ANKRD13B: variants seen among roughly 807,000 people sequenced by gnomAD.
The protein encoded by ANKRD13B is ankyrin repeat domain-containing protein 13B.
A neutral mutation model predicts 74.4 loss-of-function variants in ANKRD13B; 33 were observed. The observed-to-expected ratio is 0.44, with a 90% CI of 0.34 to 0.59. The LOEUF is 0.59. ANKRD13B is among the 20% of genes least tolerant of loss of function. The probability of loss-of-function intolerance (pLI) is 0.02; values close to 1 mark genes in which losing one functional copy is unlikely to be tolerated. For missense variants in ANKRD13B, 676 were observed against 877.9 expected, an observed-to-expected ratio of 0.77 and a Z score of 2.91; for synonymous variants, 341 against 362.9, an observed-to-expected ratio of 0.94 and a Z score of 0.68.
chr17:29,596,892 C>A (rs1437568596), intron 1 of ANKRD13B, among the ~76,000 whole-genome samples: 1 of 152,084 alleles, frequency 6.6e-6, no homozygotes, highest in Non-Finnish European at 1.5e-5. Context: ...GGAGGGGCTG[C>A]AAGGGCAGGA....
chr17:29,593,652 G>T lies in ANKRD13B; in HGVS notation c.31G>T (p.Gly11Trp). The stretch of plus-strand genomic sequence containing the variant: ...CCCCGCCAACGCCTCCGCCAGGAAG[G>T]GGCCCGAGGGCAAGTATCCGCTGCA... MIPANASARK[G>W]PEGKYPLHYL... The change falls in exon 1 of 15, where the codon GGG becomes TGG. Residue 11 changes from glycine (G) to tryptophan (W), a missense_variant. Gly to Trp is a radical substitution (Grantham distance 184, BLOSUM62 -2). This residue lies in a region of ANKRD13B where 88 missense variants were observed against 87.8 expected (regional missense o/e 1.00). Transcript: ENST00000394859. 7.1e-7 allele frequency: 1 copy of T among 1,416,208 alleles called. No individual in the cohort carries two copies. Among genetic ancestry groups the T allele is most frequent in the Non-Finnish European group, 9.3e-7 (1 of 1,072,646 alleles). The allele number at this position is 1,416,208 out of a possible 1,614,324, so 87.7% of individuals were successfully genotyped here. A position where few individuals can be genotyped will look rare whatever the true frequency, so the allele number is the denominator to read the frequency against.
At chr17:29,598,841 C>T (rs939153257) in intron 1 of ANKRD13B, among the ~76,000 whole-genome samples, 45 of 152,160 alleles carry the variant, frequency 3.0e-4, no homozygotes, top group Admixed American at 2.8e-3. Context: ...GTGAGCCCCC[C>T]GGCATAAACA....
At chr17:29,595,996 A>G (rs534836343) in intron 1 of ANKRD13B, among the ~76,000 whole-genome samples, 2 of 152,234 alleles carry the variant, frequency 1.3e-5, no homozygotes, top group East Asian at 3.9e-4. Flanking sequence ...TCATGAGAAA[A>G]GCACTGTGGA....
At chr17:29,602,346 G>C (rs2034211264) in intron 1 of ANKRD13B, among the ~76,000 whole-genome samples, 1 of 145,354 alleles carries the variant, frequency 6.9e-6, no homozygotes, top group African/African-American at 2.6e-5. Context: ...AGTGAGCTGA[G>C]ATCACGCCAC....
intron 1 of ANKRD13B, among the ~76,000 whole-genome samples, chr17:29,604,599 T>G (rs1408213141): frequency 6.6e-6 from 1 of 151,874 alleles, no homozygotes; most frequent in Non-Finnish European, 1.5e-5. Flanking sequence ...CAGAGTGTAG[T>G]GGTGCAGTCT....
At chr17:29,606,709 A>G (rs1009429079) in intron 1 of ANKRD13B, among the ~76,000 whole-genome samples, 3 of 133,454 alleles carry the variant, frequency 2.2e-5, no homozygotes, top group Non-Finnish European at 4.7e-5. Context: ...TGGGTGACAT[A>G]GTGAGACCCT....
At chr17:29,607,319 G>A (rs2034424549) in intron 1 of ANKRD13B, among the ~76,000 whole-genome samples, 1 of 152,092 alleles carries the variant, frequency 6.6e-6, no homozygotes, top group South Asian at 2.1e-4. Context: ...AGCTCTTCCT[G>A]AAGGTGGCCT....
intron 1 of ANKRD13B, among the ~76,000 whole-genome samples, chr17:29,596,797 A>G (rs1268433368): frequency 1.3e-5 from 2 of 152,194 alleles, no homozygotes; most frequent in African/African-American, 4.8e-5. Flanking sequence ...GATGTGGGGC[A>G]TCACCACAGC....
chr17:29,593,557 C>A lies in ANKRD13B; in HGVS notation c.-65C>A, dbSNP rs994506636. 2 of 778,060 alleles carry A rather than the reference C, an allele frequency of 2.6e-6. No homozygotes were observed. The highest frequency in any genetic ancestry group is 3.2e-6 in the Non-Finnish European group (2 of 624,884). 48.2% of individuals were successfully genotyped at this position (778,060 alleles called of 1,614,324 possible). A position where few individuals can be genotyped will look rare whatever the true frequency, so the allele number is the denominator to read the frequency against. On this transcript the variant is annotated 5_prime_UTR_variant, in exon 1 of 15. Coordinates refer to ENST00000394859, the MANE Select transcript of ANKRD13B (RefSeq NM_152345.5). ...CGGCCCCCCGCCCCGCGGCCCCGGG[C>A]CCCGGCTCCGGCGCCGTCCCTCCTC...
chr17:29,607,745 G>A lies in ANKRD13B; in HGVS notation c.118G>A (p.Asp40Asn), dbSNP rs760035170. The change falls in exon 2 of 15, where the codon GAC becomes AAC. Residue 40 changes from aspartate to asparagine, a missense_variant. This residue lies in a region of ANKRD13B where 88 missense variants were observed against 87.8 expected (regional missense o/e 1.00). Transcript: ENST00000394859. ...LEKEVRAGQV[D>N]IEQLDPRGRT... The stretch of plus-strand genomic sequence containing the variant: ...TCCACTCCTCCTCCTCCTCCAGGTG[G>A]ACATCGAGCAGCTGGATCCCCGCGG... The A allele has an allele frequency of 6.3e-7, 1 of 1,597,270 alleles. No individual in the cohort carries two copies. Among genetic ancestry groups the A allele is most frequent in the South Asian group, 1.1e-5 (1 of 90,806 alleles).
In ANKRD13B at chr17:29,607,973, C is replaced by T. The variant is rs377675322; in HGVS notation, c.251-13C>T. 28 of 1,597,350 alleles carry T rather than the reference C, an allele frequency of 1.8e-5. No homozygotes were observed. The highest frequency in any genetic ancestry group is 2.2e-5 in the Non-Finnish European group (26 of 1,170,814). On this transcript the variant is annotated splice_polypyrimidine_tract_variant and intron_variant, in intron 2 of 14. Coordinates refer to ENST00000394859, the MANE Select transcript of ANKRD13B (RefSeq NM_152345.5). ...AGGGTCCTGCCCTGTGACCTTGCCT[C>T]GCCCTCCCCCAGTGCTCCAGGAGGC...
At position 29,612,285 on chromosome 17, in the gene ANKRD13B, C is replaced by A; in HGVS notation, c.1258+12C>A. On this transcript the variant is annotated intron_variant, in intron 11 of 14. Coordinates refer to ENST00000394859, the MANE Select transcript of ANKRD13B (RefSeq NM_152345.5). This position sits in a 1 kb window ranked among gnomAD's most constrained non-coding sequence, Gnocchi z 6.1. ...CCCAGTTAAGATTGGTGAGACCGCA[C>A]GGCCATTTCTCCTGAGCCCGTGGCG... is the stretch of plus-strand genomic sequence containing the variant. 3 of 1,613,706 alleles carry A rather than the reference C, an allele frequency of 1.9e-6. No homozygotes were observed. The highest frequency in any genetic ancestry group is 2.5e-6 in the Non-Finnish European group (3 of 1,179,802).
chr17:29,610,628 G>A (rs867470408), intron 7 of ANKRD13B, 57 bp from the exon 8 acceptor site: 18 of 1,548,990 alleles, frequency 1.2e-5, no homozygotes, highest in Non-Finnish European at 1.5e-5. Context: ...GCCCTTAGGG[G>A]TAAGACACAG....
intron 1 of ANKRD13B, among the ~76,000 whole-genome samples, chr17:29,599,878 T>TG (rs1567786206): frequency 1.6e-4 from 20 of 126,086 alleles, no homozygotes; most frequent in Non-Finnish European, 2.5e-4. Context: ...TTTTTTTTTT[T>TG]TTTTTTTTTT....
At chr17:29,602,819 G>T (rs1244123732) in intron 1 of ANKRD13B, among the ~76,000 whole-genome samples, 2 of 152,074 alleles carry the variant, frequency 1.3e-5, no homozygotes, top group Non-Finnish European at 2.9e-5. Flanking sequence ...TATCAAGTTT[G>T]GAAAAATTTT....
At chr17:29,595,843 C>G (rs989814788) in intron 1 of ANKRD13B, among the ~76,000 whole-genome samples, 1 of 152,172 alleles carries the variant, frequency 6.6e-6, no homozygotes, top group Admixed American at 6.5e-5. Context: ...AATGCCACTC[C>G]GTGTAGGTGG....
chr17:29,611,532 G>A lies in ANKRD13B; in HGVS notation c.905-47G>A, dbSNP rs767736220. 14 of 1,593,670 alleles carry A rather than the reference G, an allele frequency of 8.8e-6. No individual in the cohort carries two copies. The Admixed American group carries it at 1.0e-4, about 11-fold the overall frequency. ...CTGTCACCTCTGATGAGGTGCCCAGGTGTGTGTGGAGTTGCGGTGTCCTCT... is the reference window on the plus strand; with the variant it reads ...CTGTCACCTCTGATGAGGTGCCCAGATGTGTGTGGAGTTGCGGTGTCCTCT... On this transcript the variant is annotated intron_variant, in intron 8 of 14. Coordinates refer to ENST00000394859, the MANE Select transcript of ANKRD13B (RefSeq NM_152345.5). The surrounding 1 kb of genome is among the most constrained non-coding windows in gnomAD (Gnocchi z 4.3).
At chr17:29,594,665 C>CA (rs1400123383) in intron 1 of ANKRD13B, among the ~76,000 whole-genome samples, 2 of 152,248 alleles carry the variant, frequency 1.3e-5, no homozygotes, top group Non-Finnish European at 2.9e-5. Flanking sequence ...GGGTGGGCTG[C>CA]AAGAGCCAGA....
chr17:29,605,414 A>AC (rs1491180201), intron 1 of ANKRD13B, among the ~76,000 whole-genome samples: 60 of 137,440 alleles, frequency 4.4e-4, no homozygotes, highest in Admixed American at 6.6e-4. Flanking sequence ...ATACACACAC[A>AC]AACACACACA....
Sources: allele counts gnomAD v4.1 joint callset (sites outside exome capture counted in the v4.1 genomes callset), GRCh38; gene constraint gnomAD v4.1.1; regional missense constraint gnomAD v4.1.1; non-coding constraint Gnocchi (gnomAD v3.1); transcripts MANE v1.5; gene names NCBI Gene and HGNC (gene_info 2026-07-23, HGNC 2026-07-21).